ZNF625: variants seen among roughly 807,000 people sequenced by gnomAD.
ZNF625 encodes zinc finger protein 625.
ZNF625 carries 8 observed loss-of-function variants against 11.1 expected under a neutral mutation model. The ratio of observed to expected loss-of-function variants is 0.72; its 90% CI spans 0.42 to 1.30. The LOEUF (loss-of-function observed/expected upper bound fraction) is 1.30, where lower values mean the gene tolerates loss of function less well. Among genes scored for constraint, ZNF625 ranks in the 50% most tolerant of loss-of-function variants. The pLI, the probability that ZNF625 is intolerant of heterozygous loss-of-function variation, is 0.01. For synonymous variants in ZNF625, 145 were observed against 153.4 expected, an observed-to-expected ratio of 0.95 and a Z score of 0.41; for missense variants, 349 against 447.6, an observed-to-expected ratio of 0.78 and a Z score of 1.99.
intron 3 of ZNF625, among the ~76,000 whole-genome samples, chr19:12,146,445 A>AT (rs1045692529): frequency 2.3e-4 from 35 of 152,128 alleles, no homozygotes; most frequent in African/African-American, 8.0e-4. Flanking sequence ...CTTTTTAAAC[A>AT]TTTTTTGAGA....
chr19:12,149,106 C>A (rs1349027251), intron 1 of ZNF625, among the ~76,000 whole-genome samples: 1 of 151,276 alleles, frequency 6.6e-6, no homozygotes, highest in African/African-American at 2.4e-5. Flanking sequence ...ATAGTGAAAC[C>A]CCGTCTCTTC....
Position 12,145,329 on chromosome 19 carries a change from T to C in ZNF625, c.1087A>G (p.Thr363Ala). The C allele has an allele frequency of 6.2e-7, 1 of 1,613,092 alleles. No individual in the cohort carries two copies. Among genetic ancestry groups the C allele is most frequent in the Non-Finnish European group, 8.5e-7 (1 of 1,179,522 alleles). Residue 363 changes from threonine (T) to alanine (A), a missense_variant, in exon 4 of 4, where the codon ACT becomes GCT. Transcript: ENST00000439556. Reference sequence around the variant, plus strand: ...ATCTTCTCGCCTTGGCCTTTCGAAGTGTTGGAGCTACAGGGTTTTTCTCCA... The same window carrying C: ...ATCTTCTCGCCTTGGCCTTTCGAAGCGTTGGAGCTACAGGGTTTTTCTCCA... ...HTGEKPCSSNTSKGQGEKIA is the reference protein window; with the variant it reads ...HTGEKPCSSNASKGQGEKIA
At chr19:12,156,411 G>C (rs1434250861) in intron 1 of ZNF625, 145 bp downstream of exon 1, 1 of 580,242 alleles carries the variant, frequency 1.7e-6, no homozygotes, top group Non-Finnish European at 2.6e-6. Context: ...GCGGCCGAAG[G>C]GACCGAGGGC....
chr19:12,154,994 G>A (rs890416001), intron 1 of ZNF625, among the ~76,000 whole-genome samples: 5 of 152,072 alleles, frequency 3.3e-5, no homozygotes, highest in African/African-American at 7.2e-5. Flanking sequence ...GGGAGGCGGA[G>A]GCAGGCGGAT....
rs543967890 is a variant in ZNF625 at position 12,149,667 on chromosome 19, G to A, written c.4-1865C>T. 5.3e-4 allele frequency among the ~76,000 whole-genome samples: 81 copies of A among 151,930 alleles called. 1 individual carries two copies. The highest frequency in any genetic ancestry group is 6.0e-4 in the Non-Finnish European group (41 of 67,974). The stretch of plus-strand genomic sequence containing the variant: ...AAGGTGGGCAAAGTATTTCAGTGAC[G>A]TTTCTCAAAGATACATACAAGTGAC... On this transcript the variant is annotated intron_variant, in intron 1 of 3. Coordinates refer to ENST00000439556, the MANE Select transcript of ZNF625 (RefSeq NM_145233.4).
chr19:12,151,204 CTTT>C (rs573002649), intron 1 of ZNF625, among the ~76,000 whole-genome samples: 1 of 133,966 alleles, frequency 7.5e-6, no homozygotes, highest in East Asian at 2.2e-4. Context: ...TCTTGTATTT[CTTT>C]TTTTTTTTTT....
At chr19:12,150,392 G>C (rs1976938566) in intron 1 of ZNF625, among the ~76,000 whole-genome samples, 1 of 152,062 alleles carries the variant, frequency 6.6e-6, no homozygotes, top group African/African-American at 2.4e-5. Flanking sequence ...CCTTCTAAGG[G>C]AGTTCAGAGA....
intron 3 of ZNF625, among the ~76,000 whole-genome samples, chr19:12,146,812 T>G (rs1010924383): frequency 6.6e-6 from 1 of 152,170 alleles, no homozygotes; most frequent in African/African-American, 2.4e-5. Context: ...GGTCTTGCCC[T>G]TTAACCCAGG....
chr19:12,147,692 C>G lies in ZNF625; in HGVS notation c.114G>C (p.Arg38Ser), dbSNP rs1455929156. The G allele has an allele frequency of 6.2e-7, 1 of 1,613,792 alleles. No individual in the cohort carries two copies. ...LYRDVMQETFRNLASVGKKWK... is the reference protein window; with the variant it reads ...LYRDVMQETFSNLASVGKKWK... ...TACCCTTACCTACAGAAGCCAGGTT[C>G]CTGAAGGTTTCCTGCATCACATCTC... Residue 38 changes from arginine (R) to serine (S), a missense_variant, in exon 2 of 4, where the codon AGG (arginine) becomes AGC (serine). Coordinates refer to ENST00000439556, the MANE Select transcript of ZNF625 (RefSeq NM_145233.4).
intron 1 of ZNF625, among the ~76,000 whole-genome samples, chr19:12,149,768 T>A (rs1411573651): frequency 6.6e-6 from 1 of 151,980 alleles, no homozygotes; most frequent in Non-Finnish European, 1.5e-5. Context: ...AGACGGAGTT[T>A]CGCTCTTGTT....
chr19:12,145,290 A>G lies in ZNF625; in HGVS notation c.*7T>C. 6.3e-7 allele frequency: 1 copy of G among 1,583,922 alleles called. No homozygotes were observed. Among genetic ancestry groups the G allele is most frequent in the Non-Finnish European group, 8.6e-7 (1 of 1,164,838 alleles). On this transcript the variant is annotated 3_prime_UTR_variant, in exon 4 of 4. Transcript: ENST00000439556. ...GGATTCGGTGGCTTCTAGGAATCTT[A>G]TGTGAATTAAGCAATCTTCTCGCCT...
rs769388243 is a variant in ZNF625 at position 12,145,759 on chromosome 19, A to G, written c.657T>C (p.Tyr219=). The G allele has an allele frequency of 1.9e-6, 3 of 1,614,198 alleles. No individual in the cohort carries two copies. Among genetic ancestry groups the G allele is most frequent in the Admixed American group, 3.3e-5 (2 of 60,018 alleles). ...AGGCTTTACCACACTGTTTACATTC[A>G]TATGGTTTCTCTCCAGTGTGAGTTC... The part of the protein sequence containing the change: ...HKRTHTGEKP[Y]ECKQCGKAFS... The change falls in exon 4 of 4, where the codon TAT becomes TAC. Residue 219 remains tyrosine, a synonymous_variant. Transcript: ENST00000439556.
At chr19:12,146,970 A>ATTTTTTTTTTTTTTTTTTTTT (rs934558893) in intron 3 of ZNF625, among the ~76,000 whole-genome samples, 2,488 of 130,114 alleles carry the variant, frequency 0.019, 206 homozygotes, top group African/African-American at 0.035. Context: ...GTTTTTAGAG[A>ATTTTTTTTTTTTTTTTTTTTT]TTTTTTTTTT....
At position 12,154,322 on chromosome 19, in the gene ZNF625, T is replaced by A. The variant is rs111977571; in HGVS notation, c.3+2234A>T. On this transcript the variant is annotated intron_variant, in intron 1 of 3. Coordinates refer to ENST00000439556, the MANE Select transcript of ZNF625 (RefSeq NM_145233.4). Reference sequence around the variant, plus strand: ...GTCCAGTGATCCTCCTGCCTCAGTGTCCCTTGTATCAGGAACTACAGGTGG... The same window carrying A: ...GTCCAGTGATCCTCCTGCCTCAGTGACCCTTGTATCAGGAACTACAGGTGG... Among the ~76,000 whole-genome samples the A allele has an allele frequency of 2.6e-3, 396 of 152,270 alleles. 3 individuals are homozygous for A. The highest frequency in any genetic ancestry group is 0.014 in the Middle Eastern group (4 of 294).
chr19:12,153,805 CTTTTTTTTTTTT>C (rs912782968), intron 1 of ZNF625, among the ~76,000 whole-genome samples: 1 of 113,606 alleles, frequency 8.8e-6, no homozygotes, highest in African/African-American at 3.8e-5. Context: ...TTTTATATTT[CTTTTTTTTTTTT>C]TTTTTTTTGA....
At chr19:12,147,832 T>C (rs1021448200) in intron 1 of ZNF625, 30 bp from the exon 2 acceptor site, 4 of 1,611,478 alleles carry the variant, frequency 2.5e-6, no homozygotes, top group Non-Finnish European at 3.4e-6. Context: ...TAAAGAAACA[T>C]GGGTGAGACT....
At chr19:12,155,002 G>T (rs1977007290) in intron 1 of ZNF625, among the ~76,000 whole-genome samples, 1 of 152,060 alleles carries the variant, frequency 6.6e-6, no homozygotes, top group African/African-American at 2.4e-5. Context: ...GAGGCAGGCG[G>T]ATTATTTGAG....
At chr19:12,147,905 A>AT in intron 1 of ZNF625, 103 bp from the exon 2 acceptor site, 1 of 1,401,890 alleles carries the variant, frequency 7.1e-7, no homozygotes, top group South Asian at 1.5e-5. Context: ...GACTCCAAAC[A>AT]TTTATTCCAT....
rs376660034 is a variant in ZNF625, at chr19:12,151,399, G to A, written c.4-3597C>T. Among the ~76,000 whole-genome samples, 18 of 50,660 alleles carry A rather than the reference G, an allele frequency of 3.6e-4. No individual in the cohort carries two copies. The East Asian group carries it at 9.2e-3, about 26-fold the overall frequency. 33.2% of individuals were successfully genotyped at this position (50,660 alleles called of 152,430 possible). On this transcript the variant is annotated intron_variant, in intron 1 of 3. Coordinates refer to ENST00000439556, the MANE Select transcript of ZNF625 (RefSeq NM_145233.4). ...GTAATTTTTTTTTTTTTTTTTTTTT[G>A]AGACGGAGTCTCGCTCTGTCGCCCA...
Sources: gnomAD v4.1 joint callset for allele counts (sites outside exome capture counted in the v4.1 genomes callset) on GRCh38, gnomAD v4.1.1 for gene constraint, MANE v1.5 for transcripts, NCBI Gene and HGNC (gene_info 2026-07-23, HGNC 2026-07-21) for gene names.